Variants in IARS2 observed in about 807,000 individuals in gnomAD.
The protein encoded by IARS2 is isoleucyl-tRNA synthetase 2, mitochondrial, also known as isoleucine--tRNA ligase, mitochondrial.
A neutral mutation model predicts 126.3 loss-of-function variants in IARS2; 56 were observed. That is an observed-to-expected ratio of 0.44 (90% CI 0.36 to 0.55). The LOEUF is 0.55. Among genes scored for constraint, IARS2 ranks in the 20% least tolerant of loss-of-function variants. The pLI is 0.00. For synonymous variants in IARS2, 407 were observed against 441.1 expected (o/e 0.92, Z 0.97); for missense variants, 1,127 against 1,245.9 (o/e 0.90, Z 1.44).
intron 8 of IARS2, among the ~76,000 whole-genome samples, chr1:220,105,536 A>T (rs1656661248): frequency 6.6e-6 from 1 of 152,158 alleles, no homozygotes; most frequent in African/African-American, 2.4e-5. Flanking sequence ...AGTAATTTGT[A>T]TGGGGTAGGT....
chr1:220,126,535 A>G (rs185317751), intron 13 of IARS2, among the ~76,000 whole-genome samples: 2 of 152,332 alleles, frequency 1.3e-5, no homozygotes, highest in African/African-American at 4.8e-5. Context: ...TTCATATTAC[A>G]TTGGTAAATA....
At chr1:220,142,306 C>G (rs971516355) in intron 20 of IARS2, among the ~76,000 whole-genome samples, 1 of 152,132 alleles carries the variant, frequency 6.6e-6, no homozygotes, top group Non-Finnish European at 1.5e-5. Flanking sequence ...CAAAATTAGC[C>G]AGGCCAACAT....
rs1656906702 is a variant in IARS2 at position 220,116,047 on chromosome 1, GA to G, written c.1640+1578del. On this transcript the variant is annotated intron_variant, in intron 12 of 22. Transcript: ENST00000366922. ...ATTACAGTGAGACCCCATCTCTACA[GA>G]AAAATTTAAAAATTAGCTGGTGTGG... is the stretch of plus-strand genomic sequence containing the variant. Among the ~76,000 whole-genome samples, 4 of 152,198 alleles carry G rather than the reference GA, an allele frequency of 2.6e-5. No individual in the cohort carries two copies. The South Asian group carries it at 8.3e-4, about 32-fold the overall frequency.
intron 21 of IARS2, 138 bp downstream of exon 21, chr1:220,143,272 TC>T (rs1657525233): frequency 2.1e-6 from 1 of 472,868 alleles, no homozygotes; most frequent in African/African-American, 2.0e-5. Context: ...TCTATTATGT[TC>T]CTTTTCACAT....
chr1:220,123,679 G>A (rs547845000), intron 12 of IARS2, among the ~76,000 whole-genome samples: 13 of 151,964 alleles, frequency 8.6e-5, no homozygotes, highest in Non-Finnish European at 1.5e-4. Flanking sequence ...GGGTTTCACC[G>A]TGTTAGCCAG....
intron 14 of IARS2, among the ~76,000 whole-genome samples, chr1:220,133,397 C>T (rs1657308770): frequency 6.6e-6 from 1 of 152,176 alleles, no homozygotes; most frequent in Non-Finnish European, 1.5e-5. Flanking sequence ...GGGTCTAACA[C>T]AATGCCTGCT....
rs1320159094 is a variant in IARS2, at chr1:220,137,896, A to G, written c.2050-22A>G. On this transcript the variant is annotated intron_variant, in intron 16 of 22. Transcript: ENST00000366922. ...TGGAATTGAAAGCCATTGTGTTTATATATTTTTTTCTCAATGAAAAGGATC... is the reference window on the plus strand; with the variant it reads ...TGGAATTGAAAGCCATTGTGTTTATGTATTTTTTTCTCAATGAAAAGGATC... 4.3e-6 allele frequency: 7 copies of G among 1,613,346 alleles called. No homozygotes were observed. In the East Asian group the frequency reaches 1.1e-4, roughly 26 times the overall value.
In IARS2 at chr1:220,105,906, A is replaced by C; in HGVS notation, c.1082A>C (p.Asn361Thr). 6.2e-7 allele frequency: 1 copy of C among 1,611,940 alleles called. No individual in the cohort carries two copies. Among genetic ancestry groups the C allele is most frequent in the Non-Finnish European group, 8.5e-7 (1 of 1,179,102 alleles). Residue 361 changes from asparagine (N) to threonine (T), a missense_variant, in exon 9 of 23, where the codon AAT (asparagine) becomes ACT (threonine). Physicochemically the swap from Asn to Thr is moderately conservative, Grantham distance 65 (BLOSUM62 0). Transcript: ENST00000366922. ...TTCCCCACAGGTGTAGATTTGGAAA[A>C]TGGTACTTGCAGTCATCCATTAATT... ...ISTLSGVDLE[N>T]GTCSHPLIPD...
At chr1:220,128,904 A>ATT (rs35869552) in intron 14 of IARS2, among the ~76,000 whole-genome samples, 72 of 144,488 alleles carry the variant, frequency 5.0e-4, no homozygotes, top group Middle Eastern at 3.6e-3. Flanking sequence ...CTAGAGTGTG[A>ATT]TTTTTTTTTT....
At position 220,120,881 on chromosome 1, in the gene IARS2, C is replaced by T. The variant is rs747413397; in HGVS notation, c.1641-4356C>T. Among the ~76,000 whole-genome samples, 45 of 152,032 alleles carry T rather than the reference C, an allele frequency of 3.0e-4. 1 individual carries two copies. Among genetic ancestry groups the T allele is most frequent in the Non-Finnish European group, 6.3e-4 (43 of 68,002 alleles). On this transcript the variant is annotated intron_variant, in intron 12 of 22. Coordinates refer to ENST00000366922, the MANE Select transcript of IARS2 (RefSeq NM_018060.4). Reference sequence around the variant, plus strand: ...CTCATAATAGAACCGAATTATAGAACATAATGCTTACTAAAGTGCATTTAG... The same window carrying T: ...CTCATAATAGAACCGAATTATAGAATATAATGCTTACTAAAGTGCATTTAG...
Position 220,094,204 on chromosome 1 carries a change from G to A in IARS2, c.-13G>A, listed in dbSNP as rs759153607. ...CGGGAGCGGAGGACCCCGCTCTCAG[G>A]GGTTGCCGGACCATGCGTTGGGGGC... On this transcript the variant is annotated 5_prime_UTR_variant, in exon 1 of 23. Coordinates refer to ENST00000366922, the MANE Select transcript of IARS2 (RefSeq NM_018060.4). 3 of 1,550,656 alleles carry A rather than the reference G, an allele frequency of 1.9e-6. No homozygotes were observed. Among genetic ancestry groups the A allele is most frequent in the Non-Finnish European group, 2.6e-6 (3 of 1,151,934 alleles).
At chr1:220,146,748 C>G (rs993179925) in intron 22 of IARS2, among the ~76,000 whole-genome samples, 5 of 151,942 alleles carry the variant, frequency 3.3e-5, no homozygotes, top group African/African-American at 1.2e-4. Flanking sequence ...CTTGGTTTAC[C>G]GCAACCTCCG....
At chr1:220,136,953 A>G in intron 16 of IARS2, 42 bp downstream of exon 16, 1 of 1,289,202 alleles carries the variant, frequency 7.8e-7, no homozygotes, top group Non-Finnish European at 1.1e-6. Flanking sequence ...CGTTTTAAGG[A>G]TCTTAAATTG....
chr1:220,107,981 C>T (rs965967409), intron 10 of IARS2, among the ~76,000 whole-genome samples: 1 of 152,164 alleles, frequency 6.6e-6, no homozygotes, highest in Non-Finnish European at 1.5e-5. Flanking sequence ...TCACTGCCAC[C>T]TCTGTGTCCT....
intron 11 of IARS2, 54 bp downstream of exon 11, chr1:220,110,991 A>G: frequency 6.5e-7 from 1 of 1,541,062 alleles, no homozygotes; most frequent in South Asian, 1.2e-5. Context: ...CTCAGTATAA[A>G]GGGGCTGCAT....
At chr1:220,141,292 A>G (rs1403596796) in intron 19 of IARS2, among the ~76,000 whole-genome samples, 1 of 152,210 alleles carries the variant, frequency 6.6e-6, no homozygotes, top group African/African-American at 2.4e-5. Flanking sequence ...ATATGGTAAC[A>G]GTGTATAATA....
At chr1:220,144,187 C>T (rs762731173) in intron 21 of IARS2, 25 of 787,232 alleles carry the variant, frequency 3.2e-5, no homozygotes, top group Admixed American at 5.1e-5. Context: ...AGCTCTGTGA[C>T]CATCAGTGAT....
At chr1:220,143,940 A>G in intron 21 of IARS2, 1 of 1,174,140 alleles carries the variant, frequency 8.5e-7, no homozygotes, top group South Asian at 1.3e-5. Flanking sequence ...TTTATTTGTA[A>G]ATATATGTAT....
intron 22 of IARS2, among the ~76,000 whole-genome samples, chr1:220,146,509 C>G (rs559782450): frequency 9.9e-5 from 11 of 110,816 alleles, no homozygotes; most frequent in African/African-American, 4.3e-4. Context: ...CAGAGCGAGA[C>G]TCCGTCTCAA....
Sources: gnomAD v4.1 joint callset for allele counts (sites outside exome capture counted in the v4.1 genomes callset) on GRCh38, gnomAD v4.1.1 for gene constraint, MANE v1.5 for transcripts, NCBI Gene and HGNC (gene_info 2026-07-23, HGNC 2026-07-21) for gene names.